SNX5: variants seen among roughly 807,000 people sequenced by gnomAD.
The protein encoded by SNX5 is sorting nexin 5, also known as sorting nexin-5.
In SNX5, 31 loss-of-function variants were observed where a neutral mutation model predicts 53.9. That is an observed-to-expected ratio of 0.58 (90% CI 0.43 to 0.78). The LOEUF is 0.78. Ranked by LOEUF, SNX5 falls within the 30% of genes least tolerant of loss-of-function variation. The pLI is 0.00. For missense variants in SNX5, 471 were observed against 478.8 expected (o/e 0.98, Z 0.15); for synonymous variants, 168 against 171.1 (o/e 0.98, Z 0.14).
rs113081363 is a variant in SNX5 at position 17,967,930 on chromosome 20, G to GC, written c.51+444dup. 2,688 of 339,036 alleles carry GC rather than the reference G, an allele frequency of 7.9e-3. 7 individuals are homozygous for GC. Among genetic ancestry groups the GC allele is most frequent in the Middle Eastern group, 0.01 (13 of 1,286 alleles). 21.0% of individuals were successfully genotyped at this position (339,036 alleles called of 1,614,324 possible). On this transcript the variant is annotated intron_variant, in intron 1 of 12. Coordinates refer to ENST00000377759, the MANE Select transcript of SNX5 (RefSeq NM_014426.4). ...TGATGCAATTTCCCAAGTTGTTTGG[G>GC]CCCCCCCCCCAAAAAAGTCTTCTCA...
In SNX5 at chr20:17,948,990, G is replaced by A; in HGVS notation, c.832-14C>T. The A allele has an allele frequency of 1.2e-6, 2 of 1,610,892 alleles. No individual in the cohort carries two copies. Among genetic ancestry groups the A allele is most frequent in the African/African-American group, 1.3e-5 (1 of 74,916 alleles). On this transcript the variant is annotated splice_polypyrimidine_tract_variant and intron_variant, in intron 9 of 12. Coordinates refer to ENST00000377759, the MANE Select transcript of SNX5 (RefSeq NM_014426.4). ...ACCCTCTACTTTCTATATAGAAAAG[G>A]AAAGGTCACCATCAAGGCAGAAAGC...
intron 1 of SNX5, among the ~76,000 whole-genome samples, chr20:17,964,990 AG>A (rs1257716498): frequency 2.0e-5 from 3 of 152,224 alleles, no homozygotes; most frequent in Non-Finnish European, 4.4e-5. Flanking sequence ...CCTCAGTATT[AG>A]TGGAAAAGCT....
intron 6 of SNX5, 68 bp downstream of exon 6, chr20:17,951,432 A>C (rs540062286): frequency 2.0e-5 from 18 of 899,578 alleles, no homozygotes; most frequent in Non-Finnish European, 3.3e-5. Flanking sequence ...TATCTCTTTC[A>C]AAGAAACAAA....
Position 17,960,953 on chromosome 20 carries a change from T to C in SNX5, c.52-3916A>G, listed in dbSNP as rs74370689. ...TTTTAGGTAAAGTTTCAGTTCATGATGTACTTCCCTACCAGGTCAATCCTT... is the reference window on the plus strand; with the variant it reads ...TTTTAGGTAAAGTTTCAGTTCATGACGTACTTCCCTACCAGGTCAATCCTT... On this transcript the variant is annotated intron_variant, in intron 1 of 12. Coordinates refer to ENST00000377759, the MANE Select transcript of SNX5 (RefSeq NM_014426.4). Among the ~76,000 whole-genome samples the C allele has an allele frequency of 1.3e-3, 205 of 152,330 alleles. 4 individuals are homozygous for C. In the East Asian group the frequency reaches 0.032, roughly 24 times the overall value.
intron 11 of SNX5, chr20:17,944,298 T>C (rs1210658082): frequency 2.0e-5 from 3 of 152,062 alleles, no homozygotes; most frequent in Admixed American, 2.0e-4. Flanking sequence ...ATAATATATA[T>C]TGAAACAGCA....
At chr20:17,947,310 T>C in intron 11 of SNX5, 176 bp downstream of exon 11, 2 of 623,690 alleles carry the variant, frequency 3.2e-6, no homozygotes, top group South Asian at 2.3e-5. Flanking sequence ...TGTGTAACGT[T>C]TGTAAGCACG....
In SNX5 at chr20:17,957,054, G is replaced by A; in HGVS notation, c.52-17C>T. ...AGATCTCAGCTGAAATACATTTTTT[G>A]CGTATTAGTTTCAAACTCATTTGGC... On this transcript the variant is annotated splice_polypyrimidine_tract_variant and intron_variant, in intron 1 of 12. Transcript: ENST00000377759. 1 of 1,441,594 alleles carries A rather than the reference G, an allele frequency of 6.9e-7. No individual in the cohort carries two copies. The highest frequency in any genetic ancestry group is 1.4e-5 in the African/African-American group (1 of 71,618). The allele number at this position is 1,441,594 out of a possible 1,614,324, so 89.3% of individuals were successfully genotyped here.
At chr20:17,956,673 CAAAAAAAAAAAAAAAAAAAA>C (rs59252584) in intron 2 of SNX5, among the ~76,000 whole-genome samples, 18 of 84,878 alleles carry the variant, frequency 2.1e-4, no homozygotes, top group African/African-American at 8.6e-4. Context: ...AGACTGTCTC[CAAAAAAAAAAAAAAAAAAAA>C]AAAAAAAAAA....
chr20:17,956,556 T>C (rs1439183040), intron 2 of SNX5, among the ~76,000 whole-genome samples: 4 of 151,452 alleles, frequency 2.6e-5, no homozygotes, highest in Non-Finnish European at 4.4e-5. Context: ...AGGCCTGTAA[T>C]CCCAGCTACT....
intron 1 of SNX5, among the ~76,000 whole-genome samples, chr20:17,967,217 G>A (rs1285949708): frequency 1.3e-5 from 2 of 151,804 alleles, no homozygotes; most frequent in Non-Finnish European, 2.9e-5. Flanking sequence ...CAGAAAGAAA[G>A]AAAAAATAAA....
At chr20:17,959,912 C>T (rs2035420810) in intron 1 of SNX5, among the ~76,000 whole-genome samples, 1 of 152,126 alleles carries the variant, frequency 6.6e-6, no homozygotes, top group Non-Finnish European at 1.5e-5. Context: ...TGCCTCCATC[C>T]CCCCTTAAGC....
In SNX5 at chr20:17,943,031, T is replaced by G. The variant is rs560214008; in HGVS notation, c.1164+79A>C. 1.0e-5 allele frequency: 10 copies of G among 982,554 alleles called. No homozygotes were observed. The African/African-American group carries it at 1.6e-4, about 16-fold the overall frequency. 60.9% of individuals were successfully genotyped at this position (982,554 alleles called of 1,614,324 possible). ...CCACAAGGCCACCCCAACTGCCTGATGACAATGGGTTAGTAAACTGGGAAA... is the reference window on the plus strand; with the variant it reads ...CCACAAGGCCACCCCAACTGCCTGAGGACAATGGGTTAGTAAACTGGGAAA... On this transcript the variant is annotated intron_variant, in intron 12 of 12. Coordinates refer to ENST00000377759, the MANE Select transcript of SNX5 (RefSeq NM_014426.4).
Position 17,958,011 on chromosome 20 carries a change from A to AT in SNX5, c.52-975_52-974insA, listed in dbSNP as rs531500158. On this transcript the variant is annotated intron_variant, in intron 1 of 12. Transcript: ENST00000377759. ...CTCCATTTCTGCCCGTCAAAAAAAA[A>AT]AAAAAAAAAAAGAGAGGAGAGAACA... 2.6e-4 allele frequency among the ~76,000 whole-genome samples: 39 copies of AT among 151,240 alleles called. No individual in the cohort carries two copies. In the South Asian group the frequency reaches 6.2e-3, roughly 24 times the overall value.
At chr20:17,967,937 C>G (rs959757189) in intron 1 of SNX5, 5 of 397,492 alleles carry the variant, frequency 1.3e-5, no homozygotes, top group Admixed American at 8.8e-5. Context: ...TGGGCCCCCC[C>G]CCCAAAAAAG....
Position 17,950,393 on chromosome 20 carries a change from C to A in SNX5, c.613G>T (p.Val205Leu). 6.3e-7 allele frequency: 1 copy of A among 1,584,428 alleles called. No individual in the cohort carries two copies. Among genetic ancestry groups the A allele is most frequent in the Non-Finnish European group, 8.7e-7 (1 of 1,154,226 alleles). ...TTCTCTTGCTCAAAGAAGTCATCTACCTCCTAGAAGGAAGAAAAAAAGAAC... is the reference window on the plus strand; with the variant it reads ...TTCTCTTGCTCAAAGAAGTCATCTAACTCCTAGAAGGAAGAAAAAAAGAAC... ...DEVLFTGVKE[V>L]DDFFEQEKNF... The change falls in exon 7 of 13, where the codon GTA becomes TTA. Residue 205 changes from valine (V) to leucine (L), a missense_variant. By Grantham distance (32) the Val-to-Leu change is conservative (BLOSUM62 1). Coordinates refer to ENST00000377759, the MANE Select transcript of SNX5 (RefSeq NM_014426.4).
intron 1 of SNX5, 71 bp from the exon 2 acceptor site, chr20:17,957,108 T>C: frequency 1.1e-6 from 1 of 927,238 alleles, no homozygotes; most frequent in Non-Finnish European, 1.8e-6. Context: ...AAATGAGTAG[T>C]TACTAAAAAG....
intron 4 of SNX5, among the ~76,000 whole-genome samples, chr20:17,952,970 G>A (rs1264396358): frequency 1.3e-5 from 2 of 152,222 alleles, no homozygotes; most frequent in Admixed American, 6.5e-5. Context: ...AAATCTACAT[G>A]CAATTACTGT....
At chr20:17,961,496 G>C in intron 1 of SNX5, 2 of 985,382 alleles carry the variant, frequency 2.0e-6, no homozygotes, top group Non-Finnish European at 2.4e-6. Context: ...ATTGGGGCTA[G>C]TTGAACAGTC....
intron 11 of SNX5, chr20:17,943,920 T>C (rs1355334197): frequency 6.6e-6 from 1 of 152,266 alleles, no homozygotes; most frequent in Non-Finnish European, 1.5e-5. Context: ...TGCAGCATTA[T>C]TTACAATAGC....
Sources: allele counts gnomAD v4.1 joint callset (sites outside exome capture counted in the v4.1 genomes callset), GRCh38; gene constraint gnomAD v4.1.1; transcripts MANE v1.5; gene names NCBI Gene and HGNC (gene_info 2026-07-23, HGNC 2026-07-21).